Variants in CTNND2 observed in about 807,000 individuals in gnomAD.
The protein encoded by CTNND2 is catenin delta 2.
CTNND2 carries 22 observed loss-of-function variants against 144.4 expected under a neutral mutation model. That is an observed-to-expected ratio of 0.15 (90% CI 0.11 to 0.22). CTNND2 has a LOEUF of 0.22. Ranked by LOEUF, CTNND2 falls within the 10% of genes least tolerant of loss-of-function variation. The pLI, the probability that CTNND2 is intolerant of heterozygous loss-of-function variation, is 1.00. For synonymous variants in CTNND2, 751 were observed against 695.6 expected (o/e 1.08, Z -1.25); for missense variants, 1,353 against 1,618.8 (o/e 0.84, Z 2.82).
At chr5:11,528,820 T>G (rs543974230) in intron 3 of CTNND2, among the ~76,000 whole-genome samples, 1 of 152,262 alleles carries the variant, frequency 6.6e-6, no homozygotes, top group Non-Finnish European at 1.5e-5. Context: ...GGCAGGCACC[T>G]GCCCTGACCT....
chr5:11,643,866 T>C (rs879606228), intron 2 of CTNND2, among the ~76,000 whole-genome samples: 74 of 152,314 alleles, frequency 4.9e-4, no homozygotes, highest in Admixed American at 2.0e-3. Context: ...ATACATGAAG[T>C]AAAACGAAAG....
intron 9 of CTNND2, among the ~76,000 whole-genome samples, chr5:11,289,286 T>C (rs1323714823): frequency 6.6e-6 from 1 of 152,226 alleles, no homozygotes; most frequent in Non-Finnish European, 1.5e-5. Flanking sequence ...TTGCAAACTT[T>C]CACTCAGATG....
intron 2 of CTNND2, among the ~76,000 whole-genome samples, chr5:11,587,127 C>CA (rs1340443260): frequency 6.6e-6 from 1 of 151,986 alleles, no homozygotes; most frequent in African/African-American, 2.4e-5. Flanking sequence ...GACTGATTTA[C>CA]AAAAAATGTG....
chr5:11,854,903 T>G (rs981721435), intron 1 of CTNND2, among the ~76,000 whole-genome samples: 7 of 152,324 alleles, frequency 4.6e-5, no homozygotes, highest in Admixed American at 6.5e-5. Flanking sequence ...AAACTATAAA[T>G]TCAGAAAAGC....
At chr5:11,025,901 G>C (rs966556879) in intron 16 of CTNND2, among the ~76,000 whole-genome samples, 1 of 152,154 alleles carries the variant, frequency 6.6e-6, no homozygotes, top group Non-Finnish European at 1.5e-5. Flanking sequence ...GGTCTTTGAG[G>C]TCTGAGATTT....
chr5:11,641,593 C>T lies in CTNND2; in HGVS notation c.175-76537G>A, dbSNP rs185690645. On this transcript the variant is annotated intron_variant, in intron 2 of 21. Coordinates refer to ENST00000304623, the MANE Select transcript of CTNND2 (RefSeq NM_001332.4). ...ATACGTGTGTATGTATATACATATA[C>T]GTGTGTGTATATACATATACGTGTG... 9.6e-3 allele frequency among the ~76,000 whole-genome samples: 1,290 copies of T among 134,994 alleles called. 17 individuals are homozygous for T. The highest frequency in any genetic ancestry group is 0.054 in the East Asian group (259 of 4,794). The allele number at this position is 134,994 out of a possible 152,430, so 88.6% of individuals were successfully genotyped here.
At chr5:11,475,298 T>A (rs1169600766) in intron 3 of CTNND2, among the ~76,000 whole-genome samples, 2 of 152,236 alleles carry the variant, frequency 1.3e-5, no homozygotes, top group Non-Finnish European at 2.9e-5. Flanking sequence ...GGAATTTAAT[T>A]CAGGATTTTG....
intron 2 of CTNND2, among the ~76,000 whole-genome samples, chr5:11,586,366 T>C (rs868172658): frequency 3.3e-5 from 5 of 152,182 alleles, no homozygotes; most frequent in African/African-American, 1.2e-4. Flanking sequence ...CTCTTCCATT[T>C]TTATATGTGG....
chr5:11,349,039 C>T (rs763816857), intron 8 of CTNND2, among the ~76,000 whole-genome samples: 1 of 152,070 alleles, frequency 6.6e-6, no homozygotes, highest in Non-Finnish European at 1.5e-5. Flanking sequence ...CCTGTCCTGG[C>T]CTTTTGGTCA....
chr5:11,755,602 T>G (rs986274779), intron 1 of CTNND2, among the ~76,000 whole-genome samples: 4 of 151,048 alleles, frequency 2.6e-5, no homozygotes, highest in African/African-American at 9.7e-5. Context: ...TTGGTCTCTT[T>G]ACATAATCCC....
chr5:11,560,286 TAGATAG>T (rs1480007212), intron 3 of CTNND2, among the ~76,000 whole-genome samples: 1 of 152,190 alleles, frequency 6.6e-6, no homozygotes, highest in African/African-American at 2.4e-5. Flanking sequence ...GAGCAGTCCA[TAGATAG>T]ATCTAACTGT....
At position 11,743,812 on chromosome 5, in the gene CTNND2, G is replaced by A. The variant is rs934334205; in HGVS notation, c.38-11540C>T. Among the ~76,000 whole-genome samples, 14 of 152,146 alleles carry A rather than the reference G, an allele frequency of 9.2e-5. No individual in the cohort carries two copies. The South Asian group carries it at 1.2e-3, about 14-fold the overall frequency. ...AAGGGGATTACCGTTCTACCTCTGC[G>A]TTCAGACAGGCAGGAGCAGTGGGAG... On this transcript the variant is annotated intron_variant, in intron 1 of 21. Coordinates refer to ENST00000304623, the MANE Select transcript of CTNND2 (RefSeq NM_001332.4).
chr5:11,515,671 A>C (rs953361901), intron 3 of CTNND2, among the ~76,000 whole-genome samples: 3 of 152,226 alleles, frequency 2.0e-5, no homozygotes, highest in Admixed American at 2.0e-4. Flanking sequence ...ATCTCAACAT[A>C]GACCACATTA....
At chr5:11,070,470 C>T (rs139790792) in intron 16 of CTNND2, among the ~76,000 whole-genome samples, 15 of 152,238 alleles carry the variant, frequency 9.9e-5, no homozygotes, top group Non-Finnish European at 1.9e-4. Context: ...AGATCTAAGA[C>T]CTACCTACAG....
intron 3 of CTNND2, among the ~76,000 whole-genome samples, chr5:11,448,347 T>A (rs1054309590): frequency 6.6e-6 from 1 of 152,094 alleles, no homozygotes; most frequent in Non-Finnish European, 1.5e-5. Flanking sequence ...TTTAAAAAAT[T>A]CAGTAGCCAA....
At chr5:11,344,161 T>C (rs1445574250) in intron 9 of CTNND2, among the ~76,000 whole-genome samples, 1 of 152,152 alleles carries the variant, frequency 6.6e-6, no homozygotes, top group Non-Finnish European at 1.5e-5. Context: ...TCCCAGCACT[T>C]TGGGAGGCCG....
chr5:11,016,926 C>T (rs776580858), intron 18 of CTNND2, among the ~76,000 whole-genome samples: 34 of 151,594 alleles, frequency 2.2e-4, no homozygotes, highest in Non-Finnish European at 3.8e-4. Flanking sequence ...GCTGCTACCA[C>T]GCCGAGCTTT....
chr5:11,785,583 T>G (rs1338069449), intron 1 of CTNND2, among the ~76,000 whole-genome samples: 1 of 152,000 alleles, frequency 6.6e-6, no homozygotes, highest in East Asian at 1.9e-4. Context: ...TACTAACATA[T>G]GTTAATGTGG....
intron 9 of CTNND2, among the ~76,000 whole-genome samples, chr5:11,259,343 CA>C (rs202027740): frequency 7.3e-5 from 11 of 150,834 alleles, no homozygotes; most frequent in African/African-American, 1.5e-4. Context: ...GCCACCACGC[CA>C]AAAAAAAAGA....
Sources: allele counts gnomAD v4.1 joint callset (sites outside exome capture counted in the v4.1 genomes callset), GRCh38; gene constraint gnomAD v4.1.1; transcripts MANE v1.5; gene names NCBI Gene and HGNC (gene_info 2026-07-23, HGNC 2026-07-21).